Variants in EDA observed in about 807,000 individuals in gnomAD.
EDA encodes ectodysplasin-A.
In EDA, 2 loss-of-function variants were observed where a neutral mutation model predicts 23.6. That is an observed-to-expected ratio of 0.08 (90% CI 0.03 to 0.27). The LOEUF (loss-of-function observed/expected upper bound fraction) is 0.27. EDA is among the 10% of genes least tolerant of loss of function. The pLI, the probability that EDA is intolerant of heterozygous loss-of-function variation, is 1.00. For synonymous variants in EDA, 131 were observed against 132.0 expected, an observed-to-expected ratio of 0.99 and a Z score of 0.05; for missense variants, 229 against 324.2, an observed-to-expected ratio of 0.71 and a Z score of 2.26.
intron 1 of EDA, among the ~76,000 whole-genome samples, chrX:69,905,554 T>C (rs1371387519): frequency 9.0e-6 from 1 of 111,580 alleles, no homozygotes; most frequent in East Asian, 2.8e-4. Flanking sequence ...GGCCATGATG[T>C]TATGATTGTA....
At chrX:69,814,132 G>C (rs1184330748) in intron 1 of EDA, among the ~76,000 whole-genome samples, 2 of 112,776 alleles carry the variant, frequency 1.8e-5, no homozygotes, top group East Asian at 5.5e-4. Context: ...AACTGCTTTT[G>C]TCATAAAAGA....
chrX:69,937,693 C>T, intron 1 of EDA: 1 of 1,130,485 alleles, frequency 8.8e-7, no homozygotes, highest in Non-Finnish European at 1.2e-6. Flanking sequence ...GAGTTCTGGG[C>T]ATACATGTCC....
chrX:69,780,113 C>T (rs1484107085), intron 1 of EDA, among the ~76,000 whole-genome samples: 1 of 57 alleles, frequency 0.018, no homozygotes, highest in African/African-American at 0.048. Context: ...TGTATAAATG[C>T]ATTGGCTCTA....
At chrX:69,697,904 T>C (rs1189710250) in intron 1 of EDA, among the ~76,000 whole-genome samples, 1 of 112,206 alleles carries the variant, frequency 8.9e-6, no homozygotes, top group African/African-American at 3.2e-5. Context: ...CAGACCCCAC[T>C]CTCTTCTGCT....
At chrX:69,793,574 T>TTC in intron 1 of EDA, among the ~76,000 whole-genome samples, 1 of 100,325 alleles carries the variant, frequency 1.0e-5, no homozygotes, top group Admixed American at 1.1e-4. Context: ...GTTTTTGTTT[T>TTC]TTTTTTTTTT....
chrX:69,891,710 G>C (rs1379412134), intron 1 of EDA, among the ~76,000 whole-genome samples: 1 of 108,053 alleles, frequency 9.3e-6, no homozygotes, highest in Admixed American at 1.1e-4. Context: ...GGAGCTAAAT[G>C]ATGAGAACAC....
intron 2 of EDA, among the ~76,000 whole-genome samples, chrX:69,987,945 C>T (rs2019528695): frequency 9.0e-6 from 1 of 111,614 alleles, no homozygotes; most frequent in Non-Finnish European, 1.9e-5. Flanking sequence ...CCACCACACC[C>T]ACCAAGCAGC....
chrX:69,699,054 G>A (rs2011456922), intron 1 of EDA, among the ~76,000 whole-genome samples: 1 of 111,269 alleles, frequency 9.0e-6, no homozygotes, highest in South Asian at 3.8e-4. Flanking sequence ...CTGGCCCCGG[G>A]CTTGGTGGGT....
chrX:69,719,201 G>C (rs776852787), intron 1 of EDA, among the ~76,000 whole-genome samples: 4 of 102,840 alleles, frequency 3.9e-5, no homozygotes, highest in Non-Finnish European at 8.1e-5. Flanking sequence ...AGTGTTGTTA[G>C]AGTTTTGTCA....
rs1932906162 is a variant in EDA at position 69,645,594 on chromosome X, G to GTGTGTGTGTATATATA, written c.396+28892_396+28907dup. On this transcript the variant is annotated intron_variant, in intron 1 of 7. Transcript: ENST00000374552. ...AGTTCTCTAGTTCTTTTATATATAT[G>GTGTGTGTGTATATATA]TGTGTGTGTATATATATATATGTGT... is the stretch of plus-strand genomic sequence containing the variant. 6.0e-5 allele frequency among the ~76,000 whole-genome samples: 3 copies of GTGTGTGTGTATATATA among 50,065 alleles called. No homozygotes were observed. In the Admixed American group the frequency reaches 8.2e-4, roughly 14 times the overall value. 43.5% of individuals were successfully genotyped at this position (50,065 alleles called of 115,157 possible). A position where few individuals can be genotyped will look rare whatever the true frequency, so the allele number is the denominator to read the frequency against.
intron 1 of EDA, among the ~76,000 whole-genome samples, chrX:69,690,088 G>C (rs1309735476): frequency 9.0e-6 from 1 of 110,528 alleles, no homozygotes; most frequent in Non-Finnish European, 1.9e-5. Flanking sequence ...CTTAGACTTT[G>C]CTCTATATAA....
At chrX:69,985,717 A>C (rs1201496166) in intron 2 of EDA, among the ~76,000 whole-genome samples, 9 of 5,063 alleles carry the variant, frequency 1.8e-3, no homozygotes, top group African/African-American at 7.0e-3. Context: ...TTACAGATTC[A>C]ATGCCATCCC....
intron 1 of EDA, among the ~76,000 whole-genome samples, chrX:69,642,563 A>G (rs781001120): frequency 2.3e-3 from 251 of 111,312 alleles, no homozygotes; most frequent in African/African-American, 7.7e-3. Flanking sequence ...CAAAATTGGT[A>G]TAATATGAAG....
intron 1 of EDA, among the ~76,000 whole-genome samples, chrX:69,863,775 G>C (rs2017440197): frequency 9.2e-6 from 1 of 108,342 alleles, no homozygotes; most frequent in Non-Finnish European, 1.9e-5. Flanking sequence ...TCTGTGCAAA[G>C]TGAGAGAGGG....
chrX:69,684,742 A>G (rs1378780224), intron 1 of EDA, among the ~76,000 whole-genome samples: 3 of 112,769 alleles, frequency 2.7e-5, no homozygotes, highest in Admixed American at 9.4e-5. Flanking sequence ...AGGAAATACG[A>G]TTATAAAACA....
chrX:69,802,024 T>C (rs1268676267), intron 1 of EDA, among the ~76,000 whole-genome samples: 3 of 111,695 alleles, frequency 2.7e-5, no homozygotes, highest in African/African-American at 9.7e-5. Context: ...GGAGAGACTT[T>C]CTCATGATAA....
At chrX:69,863,042 G>GAAAA (rs59012644) in intron 1 of EDA, among the ~76,000 whole-genome samples, 5 of 93,007 alleles carry the variant, frequency 5.4e-5, no homozygotes, top group Non-Finnish European at 6.4e-5. Flanking sequence ...TTTATTTTCT[G>GAAAA]AAAAAAAAAA....
At chrX:69,911,267 T>G (rs1246507855) in intron 1 of EDA, among the ~76,000 whole-genome samples, 1 of 111,825 alleles carries the variant, frequency 8.9e-6, no homozygotes, top group East Asian at 2.8e-4. Flanking sequence ...TCAGACAGAA[T>G]CTATATCCAG....
At chrX:69,900,593 G>A (rs949082320) in intron 1 of EDA, among the ~76,000 whole-genome samples, 5 of 109,994 alleles carry the variant, frequency 4.5e-5, no homozygotes, top group Non-Finnish European at 9.5e-5. Flanking sequence ...TAACATCTTG[G>A]CTGCAAACTC....
Sources: gnomAD v4.1 joint callset for allele counts (sites outside exome capture counted in the v4.1 genomes callset) on GRCh38, gnomAD v4.1.1 for gene constraint, MANE v1.5 for transcripts, NCBI Gene and HGNC (gene_info 2026-07-23, HGNC 2026-07-21) for gene names.